The following MPHOSPH6 variants were observed in gnomAD, a reference collection of about 807,000 sequenced individuals.
MPHOSPH6 encodes M-phase phosphoprotein 6.
A neutral mutation model predicts 21.8 loss-of-function variants in MPHOSPH6; 25 were observed. The ratio of observed to expected loss-of-function variants is 1.15; its 90% CI spans 0.83 to 1.60. MPHOSPH6 has a LOEUF of 1.60. MPHOSPH6 is among the 40% of genes most tolerant of loss of function. The pLI, the probability that MPHOSPH6 is intolerant of heterozygous loss-of-function variation, is 0.00. For synonymous variants in MPHOSPH6, 84 were observed against 56.5 expected, an observed-to-expected ratio of 1.49 and a Z score of -2.18; for missense variants, 269 against 181.8, an observed-to-expected ratio of 1.48 and a Z score of -2.76.
intron 2 of MPHOSPH6, 33 bp from the exon 3 acceptor site, chr16:82,151,547 T>C (rs1196938669): frequency 6.5e-7 from 1 of 1,550,100 alleles, no homozygotes; most frequent in South Asian, 1.2e-5. Context: ...CATTTCTCCA[T>C]ATATAAAGCA....
chr16:82,152,795 T>C (rs1906307528), intron 2 of MPHOSPH6, among the ~76,000 whole-genome samples: 1 of 152,208 alleles, frequency 6.6e-6, no homozygotes, highest in South Asian at 2.1e-4. Context: ...CAAGGTGACA[T>C]ATCTATCTCC....
chr16:82,167,112 C>T (rs1199403194), intron 1 of MPHOSPH6, among the ~76,000 whole-genome samples: 1 of 152,190 alleles, frequency 6.6e-6, no homozygotes, highest in East Asian at 1.9e-4. Context: ...GTAACAGAGA[C>T]TGTCTGGCTC....
At chr16:82,168,345 A>T (rs1368992359) in intron 1 of MPHOSPH6, among the ~76,000 whole-genome samples, 1 of 152,206 alleles carries the variant, frequency 6.6e-6, no homozygotes, top group Non-Finnish European at 1.5e-5. Context: ...GCTAATATGC[A>T]TGAAAGTGCT....
chr16:82,167,956 T>G (rs541351806), intron 1 of MPHOSPH6, among the ~76,000 whole-genome samples: 1 of 152,318 alleles, frequency 6.6e-6, no homozygotes. Flanking sequence ...CCATGCCTTC[T>G]CACAGTATAC....
intron 2 of MPHOSPH6, among the ~76,000 whole-genome samples, chr16:82,152,625 A>T (rs1906301260): frequency 6.6e-6 from 1 of 152,100 alleles, no homozygotes; most frequent in African/African-American, 2.4e-5. Flanking sequence ...CCAGAACCAA[A>T]ATCATGCTAG....
intron 1 of MPHOSPH6, among the ~76,000 whole-genome samples, chr16:82,165,602 C>T (rs962189153): frequency 1.3e-5 from 2 of 152,102 alleles, no homozygotes; most frequent in Non-Finnish European, 2.9e-5. Flanking sequence ...TGACAGTGGT[C>T]CCATAAGATT....
At chr16:82,153,753 C>G (rs956498205) in intron 2 of MPHOSPH6, among the ~76,000 whole-genome samples, 3 of 152,142 alleles carry the variant, frequency 2.0e-5, no homozygotes, top group Non-Finnish European at 4.4e-5. Context: ...TGGGAGAACA[C>G]CTGCTGCATT....
At chr16:82,162,776 T>C (rs1246858010) in intron 2 of MPHOSPH6, among the ~76,000 whole-genome samples, 1 of 152,204 alleles carries the variant, frequency 6.6e-6, no homozygotes, top group Non-Finnish European at 1.5e-5. Context: ...ATAAACAGGA[T>C]GCTGAGTAAT....
At chr16:82,168,604 G>T (rs1341864218) in intron 1 of MPHOSPH6, among the ~76,000 whole-genome samples, 1 of 151,850 alleles carries the variant, frequency 6.6e-6, no homozygotes. Context: ...CCAAGTAGCT[G>T]GGACTAAAGG....
At chr16:82,155,363 T>C (rs1471508325) in intron 2 of MPHOSPH6, among the ~76,000 whole-genome samples, 1 of 152,202 alleles carries the variant, frequency 6.6e-6, no homozygotes, top group Middle Eastern at 3.2e-3. Context: ...ATAAAATGTA[T>C]AACTGTCTTT....
intron 2 of MPHOSPH6, among the ~76,000 whole-genome samples, chr16:82,155,898 C>T (rs1261195914): frequency 6.8e-6 from 1 of 146,034 alleles, no homozygotes; most frequent in Non-Finnish European, 1.5e-5. Context: ...GAGTGACACT[C>T]TGTCTCAAAA....
intron 2 of MPHOSPH6, among the ~76,000 whole-genome samples, chr16:82,161,960 A>G (rs1008160723): frequency 1.3e-5 from 2 of 152,224 alleles, no homozygotes; most frequent in African/African-American, 2.4e-5. Context: ...TGCAATCTCC[A>G]AATTCACAGA....
chr16:82,149,475 G>T (rs967687502), intron 3 of MPHOSPH6, 72 bp from the exon 4 acceptor site: 125 of 1,295,444 alleles, frequency 9.6e-5, no homozygotes, highest in Non-Finnish European at 1.3e-4. Context: ...AAACTTACCT[G>T]AAGGCAGAGA....
At chr16:82,157,426 C>T (rs1597161737) in intron 2 of MPHOSPH6, among the ~76,000 whole-genome samples, 1 of 152,282 alleles carries the variant, frequency 6.6e-6, no homozygotes, top group South Asian at 2.1e-4. Flanking sequence ...AGTTCAAGAA[C>T]AGACAAAATT....
intron 1 of MPHOSPH6, among the ~76,000 whole-genome samples, chr16:82,165,114 C>CTTTTTTT (rs1418457856): frequency 0.021 from 1,371 of 63,814 alleles, 384 homozygotes; most frequent in East Asian, 0.042. Flanking sequence ...TCCGATATTT[C>CTTTTTTT]TTTTTTATTT....
intron 2 of MPHOSPH6, among the ~76,000 whole-genome samples, chr16:82,152,012 A>G (rs1231094265): frequency 6.6e-6 from 1 of 152,244 alleles, no homozygotes; most frequent in Admixed American, 6.5e-5. Flanking sequence ...TAATTATCAA[A>G]GCAGCACATT....
intron 2 of MPHOSPH6, among the ~76,000 whole-genome samples, chr16:82,159,639 G>A (rs1906544344): frequency 1.3e-5 from 2 of 152,092 alleles, no homozygotes; most frequent in African/African-American, 2.4e-5. Context: ...ATCTCCTGAC[G>A]TCGTGATCCG....
In MPHOSPH6 at chr16:82,170,144, T is replaced by C; in HGVS notation, c.32A>G (p.Lys11Arg). 1 of 1,595,884 alleles carries C rather than the reference T, an allele frequency of 6.3e-7. No homozygotes were observed. The highest frequency in any genetic ancestry group is 1.7e-5 in the Admixed American group (1 of 58,136). The change falls in exon 1 of 5, where the codon AAG becomes AGG. Residue 11 changes from lysine (K) to arginine (R), a missense_variant. Lys to Arg is a conservative substitution (Grantham distance 26, BLOSUM62 2). Transcript: ENST00000258169. Reference sequence around the variant, plus strand: ...CCGCACCTTCATGCGCAGTAGATTCTTGGACAACCTTGTCTTTCGCTCGGC... The same window carrying C: ...CCGCACCTTCATGCGCAGTAGATTCCTGGACAACCTTGTCTTTCGCTCGGC... MAAERKTRLS[K>R]NLLRMKFMQR...
At chr16:82,167,815 C>T (rs1443875093) in intron 1 of MPHOSPH6, among the ~76,000 whole-genome samples, 2 of 152,164 alleles carry the variant, frequency 1.3e-5, no homozygotes, top group African/African-American at 4.8e-5. Context: ...GCTTGCCTGC[C>T]CGCTGCTCAC....
Sources: gnomAD v4.1 joint callset for allele counts (sites outside exome capture counted in the v4.1 genomes callset) on GRCh38, gnomAD v4.1.1 for gene constraint, MANE v1.5 for transcripts, NCBI Gene and HGNC (gene_info 2026-07-23, HGNC 2026-07-21) for gene names.